Variants in PMFBP1 observed in about 807,000 individuals in gnomAD.
PMFBP1 encodes polyamine-modulated factor 1-binding protein 1.
PMFBP1 carries 131 observed loss-of-function variants against 137.8 expected under a neutral mutation model. The ratio of observed to expected loss-of-function variants is 0.95; its 90% CI spans 0.82 to 1.10. PMFBP1 has a LOEUF of 1.10. PMFBP1 is among the 50% of genes least tolerant of loss of function. The pLI, the probability that PMFBP1 is intolerant of heterozygous loss-of-function variation, is 0.00. For synonymous variants in PMFBP1, 490 were observed against 450.4 expected (o/e 1.09, Z -1.11); for missense variants, 1,199 against 1,175.4 (o/e 1.02, Z -0.29).
the PMFBP1 span, among the ~76,000 whole-genome samples, chr16:72,242,294 T>G: frequency 1.3e-5 from 2 of 152,206 alleles, no homozygotes; most frequent in South Asian, 4.1e-4. Context: ...CTGTCAAAGA[T>G]CCAATCATTT....
the PMFBP1 span, among the ~76,000 whole-genome samples, chr16:72,199,234 T>C: frequency 6.6e-6 from 1 of 152,182 alleles, no homozygotes; most frequent in Non-Finnish European, 1.5e-5. Flanking sequence ...TGCATGGCCC[T>C]AGCCTTTCAG....
chr16:72,234,997 C>CTTTCA, the PMFBP1 span, among the ~76,000 whole-genome samples: 2 of 152,080 alleles, frequency 1.3e-5, no homozygotes, highest in African/African-American at 4.8e-5. Flanking sequence ...GTGGGTTGTA[C>CTTTCA]TTTCACCTTC....
the PMFBP1 span, among the ~76,000 whole-genome samples, chr16:72,192,182 G>T: frequency 2.6e-5 from 4 of 152,108 alleles, no homozygotes; most frequent in African/African-American, 7.2e-5. Context: ...GGGAGGGAAG[G>T]AGAGAGAAAG....
chr16:72,215,544 T>G, the PMFBP1 span, among the ~76,000 whole-genome samples: 4 of 152,182 alleles, frequency 2.6e-5, no homozygotes. Flanking sequence ...TGAGGTTGTA[T>G]AAGACATTTC....
Position 72,164,480 on chromosome 16 carries a change from C to T in PMFBP1, c.165+284G>A, listed in dbSNP as rs1384934456. The T allele has an allele frequency of 9.2e-6, 13 of 1,419,086 alleles. No homozygotes were observed. In the Admixed American group the frequency reaches 2.5e-4, roughly 28 times the overall value. 87.9% of individuals were successfully genotyped at this position (1,419,086 alleles called of 1,614,324 possible). A position where few individuals can be genotyped will look rare whatever the true frequency, so the allele number is the denominator to read the frequency against. On this transcript the variant is annotated intron_variant, in intron 3 of 20. Coordinates refer to ENST00000237353, the MANE Select transcript of PMFBP1 (RefSeq NM_031293.3). ...TCACTATGATCTGATATTTTCAGGG[C>T]AATGAGCTGTAAATACAGGTGTGAA... is the stretch of plus-strand genomic sequence containing the variant.
the PMFBP1 span, among the ~76,000 whole-genome samples, chr16:72,192,455 C>T: frequency 0.036 from 5,411 of 152,088 alleles, 294 homozygotes; most frequent in African/African-American, 0.12. Flanking sequence ...TGTTAATTGC[C>T]TTTTTTTCTT....
upstream of PMFBP1, among the ~76,000 whole-genome samples, chr16:72,181,267 T>A (rs1422219017): frequency 1.3e-5 from 2 of 149,162 alleles, no homozygotes; most frequent in Admixed American, 6.8e-5. Context: ...TAATAATAAT[T>A]AAATTAAATT....
chr16:72,117,369 G>A (rs1167723703), downstream of PMFBP1, among the ~76,000 whole-genome samples: 1 of 151,960 alleles, frequency 6.6e-6, no homozygotes, highest in Non-Finnish European at 1.5e-5. Flanking sequence ...CTGTTACTTT[G>A]CTGAATTCAC....
chr16:72,178,598 T>C (rs1188743211), upstream of PMFBP1, among the ~76,000 whole-genome samples: 1 of 152,246 alleles, frequency 6.6e-6, no homozygotes, highest in Non-Finnish European at 1.5e-5. Context: ...AACTCATGGA[T>C]ATCTATTATA....
intron 4 of PMFBP1, among the ~76,000 whole-genome samples, chr16:72,153,547 T>C (rs2042934728): frequency 6.6e-6 from 1 of 152,066 alleles, no homozygotes; most frequent in Non-Finnish European, 1.5e-5. Flanking sequence ...CTATCACTGC[T>C]CAAGTGGTTT....
intron 10 of PMFBP1, among the ~76,000 whole-genome samples, chr16:72,131,211 A>T (rs369352490): frequency 1.3e-5 from 2 of 152,290 alleles, no homozygotes; most frequent in African/African-American, 4.8e-5. Flanking sequence ...GTTAGAGCAG[A>T]TGCCTGGTGA....
the PMFBP1 span, among the ~76,000 whole-genome samples, chr16:72,215,022 T>A: frequency 1.3e-5 from 2 of 152,068 alleles, no homozygotes; most frequent in Non-Finnish European, 2.9e-5. Flanking sequence ...TAGACATGGC[T>A]GAAGTGAGAA....
chr16:72,197,736 T>C, the PMFBP1 span, among the ~76,000 whole-genome samples: 1 of 152,174 alleles, frequency 6.6e-6, no homozygotes, highest in African/African-American at 2.4e-5. Flanking sequence ...CTGCTGAGGA[T>C]TGACTAAGAT....
the PMFBP1 span, among the ~76,000 whole-genome samples, chr16:72,204,750 T>C: frequency 1.3e-5 from 2 of 152,058 alleles, no homozygotes; most frequent in Non-Finnish European, 2.9e-5. Context: ...TTCAAAGAAC[T>C]CATGCCAGTT....
intron 5 of PMFBP1, among the ~76,000 whole-genome samples, chr16:72,140,973 C>T (rs539266015): frequency 1.4e-4 from 16 of 115,190 alleles, no homozygotes; most frequent in African/African-American, 2.5e-4. Flanking sequence ...CTCACTCTGT[C>T]GCCCAGGCTG....
chr16:72,183,967 G>C, the PMFBP1 span, among the ~76,000 whole-genome samples: 1 of 152,034 alleles, frequency 6.6e-6, no homozygotes, highest in African/African-American at 2.4e-5. Flanking sequence ...GCCCTTTTTG[G>C]TCCTTATTGT....
chr16:72,125,932 G>A (rs1432654538), intron 15 of PMFBP1, 36 bp downstream of exon 15: 1 of 1,602,208 alleles, frequency 6.2e-7, no homozygotes. Flanking sequence ...TTCCTTGCCT[G>A]AAAACAGCCC....
At chr16:72,217,776 T>C in the PMFBP1 span, among the ~76,000 whole-genome samples, 3 of 151,996 alleles carry the variant, frequency 2.0e-5, no homozygotes, top group Non-Finnish European at 4.4e-5. Flanking sequence ...TTGCTTGAAC[T>C]CGGGAGGTGG....
intron 19 of PMFBP1, among the ~76,000 whole-genome samples, chr16:72,121,729 A>G (rs1029598766): frequency 6.6e-5 from 10 of 152,036 alleles, no homozygotes; most frequent in Admixed American, 1.3e-4. Flanking sequence ...GGCTCAAGCA[A>G]TCCTCCCACC....
Sources: gnomAD v4.1 joint callset for allele counts (sites outside exome capture counted in the v4.1 genomes callset) on GRCh38, gnomAD v4.1.1 for gene constraint, MANE v1.5 for transcripts, NCBI Gene and HGNC (gene_info 2026-07-23, HGNC 2026-07-21) for gene names.